Variants in ANKRD17 observed in about 807,000 individuals in gnomAD.
ANKRD17 encodes the protein ankyrin repeat domain 17, also known as ankyrin repeat domain-containing protein 17.
Under a neutral mutation model 229.7 loss-of-function variants are expected in ANKRD17, and 19 were observed. The ratio of observed to expected loss-of-function variants is 0.08; its 90% confidence interval spans 0.06 to 0.12. The LOEUF is 0.12. Ranked by LOEUF, ANKRD17 falls within the 10% of genes least tolerant of loss-of-function variation. The pLI is 1.00. For missense variants in ANKRD17, 2,176 were observed against 3,176.8 expected (o/e 0.68, Z 7.57); for synonymous variants, 1,112 against 1,146.1 (o/e 0.97, Z 0.60).
At chr4:73,186,197 C>T (rs1340562855) in intron 1 of ANKRD17, among the ~76,000 whole-genome samples, 1 of 151,706 alleles carries the variant, frequency 6.6e-6, no homozygotes, top group African/African-American at 2.4e-5. Context: ...GATAAAATAC[C>T]ACAATTCTTA....
intron 1 of ANKRD17, among the ~76,000 whole-genome samples, chr4:73,224,189 GTTGCCA>G (rs1742219081): frequency 6.6e-6 from 1 of 152,202 alleles, no homozygotes; most frequent in South Asian, 2.1e-4. Flanking sequence ...GGAGGTGGAT[GTTGCCA>G]TTGTGCCACT....
chr4:73,106,846 T>C (rs368843374), intron 24 of ANKRD17, among the ~76,000 whole-genome samples: 1 of 113,040 alleles, frequency 8.8e-6, no homozygotes, highest in African/African-American at 3.4e-5. Context: ...GCCATGGCCC[T>C]CCAGCCTGGC....
intron 18 of ANKRD17, among the ~76,000 whole-genome samples, chr4:73,123,628 T>C (rs903507291): frequency 2.4e-4 from 36 of 152,114 alleles, no homozygotes; most frequent in African/African-American, 8.7e-4. Flanking sequence ...ATTTACAAAA[T>C]GAAGGATGAC....
At chr4:73,104,498 A>G (rs1247785276) in intron 24 of ANKRD17, among the ~76,000 whole-genome samples, 1 of 152,214 alleles carries the variant, frequency 6.6e-6, no homozygotes, top group African/African-American at 2.4e-5. Flanking sequence ...AGAAAAACGT[A>G]TTATCAAAGC....
intron 1 of ANKRD17, among the ~76,000 whole-genome samples, chr4:73,199,849 A>G (rs950940072): frequency 1.3e-5 from 2 of 152,206 alleles, no homozygotes; most frequent in Non-Finnish European, 2.9e-5. Flanking sequence ...TGTTAAATGA[A>G]TATTACATTA....
At chr4:73,162,547 A>C (rs1246118066) in intron 2 of ANKRD17, among the ~76,000 whole-genome samples, 2 of 152,152 alleles carry the variant, frequency 1.3e-5, no homozygotes, top group Non-Finnish European at 1.5e-5. Flanking sequence ...TGTGAACAAA[A>C]TATGGCCTAA....
intron 24 of ANKRD17, among the ~76,000 whole-genome samples, chr4:73,108,434 A>C (rs1014140311): frequency 1.3e-5 from 2 of 152,208 alleles, no homozygotes; most frequent in African/African-American, 4.8e-5. Flanking sequence ...CCAGTGGATA[A>C]AGAAGACCAT....
chr4:73,151,314 C>CA, intron 7 of ANKRD17, 116 bp downstream of exon 7: 1 of 860,300 alleles, frequency 1.2e-6, no homozygotes, highest in Admixed American at 2.9e-5. Flanking sequence ...ACAACTGATT[C>CA]AATAAGGTTC....
intron 2 of ANKRD17, among the ~76,000 whole-genome samples, chr4:73,168,479 T>A (rs1172670904): frequency 6.6e-6 from 1 of 152,178 alleles, no homozygotes; most frequent in Non-Finnish European, 1.5e-5. Flanking sequence ...AATTAAAACA[T>A]TGTTCCTATG....
intron 32 of ANKRD17, 103 bp from the exon 33 acceptor site, chr4:73,077,207 G>A: frequency 2.2e-6 from 3 of 1,348,796 alleles, no homozygotes; most frequent in Non-Finnish European, 2.0e-6. Context: ...ACCTCATCCT[G>A]GGAATGTGTA....
chr4:73,185,765 A>G (rs1464574593), intron 1 of ANKRD17, among the ~76,000 whole-genome samples: 2 of 152,098 alleles, frequency 1.3e-5, no homozygotes, highest in Non-Finnish European at 2.9e-5. Flanking sequence ...CATATAAAAC[A>G]TATTCACTGA....
Position 73,094,105 on chromosome 4 carries a change from C to A in ANKRD17, c.5301G>T (p.Lys1767Asn), listed in dbSNP as rs760800314. Residue 1767 changes from lysine to asparagine, a missense_variant, in exon 28 of 34, where the codon AAG becomes AAT. Physicochemically the swap from Lys to Asn is moderately conservative, Grantham distance 94. Transcript: ENST00000358602. ...TTATAGTGATTATCCGGTCTCCAGT[C>A]TTGTCTTTCTGTTTATCAATATCTA... is the stretch of plus-strand genomic sequence containing the variant. ...AHIDIDKQKD[K>N]TGDRIITIRG... 2 of 1,613,698 alleles carry A rather than the reference C, an allele frequency of 1.2e-6. No individual in the cohort carries two copies.
intron 21 of ANKRD17, among the ~76,000 whole-genome samples, chr4:73,119,550 A>C (rs551747746): frequency 6.6e-6 from 1 of 152,326 alleles, no homozygotes; most frequent in African/African-American, 2.4e-5. Context: ...CAGGTTTAGC[A>C]TTCATTCAGT....
chr4:73,079,301 T>C (rs916600126), intron 30 of ANKRD17, among the ~76,000 whole-genome samples: 1 of 152,204 alleles, frequency 6.6e-6, no homozygotes, highest in Non-Finnish European at 1.5e-5. Flanking sequence ...TGTGTTATGA[T>C]GAAAAAGAGA....
At chr4:73,102,650 T>G (rs1724148657) in intron 24 of ANKRD17, 103 bp from the exon 25 acceptor site, 1 of 1,340,248 alleles carries the variant, frequency 7.5e-7, no homozygotes, top group East Asian at 2.3e-5. Context: ...TATCATAAAA[T>G]TCAAAGTCAT....
chr4:73,194,187 AC>A (rs973129363), intron 1 of ANKRD17, among the ~76,000 whole-genome samples: 1 of 152,198 alleles, frequency 6.6e-6, no homozygotes, highest in Admixed American at 6.5e-5. Context: ...CTTCTATCTA[AC>A]CCAAAGTCAC....
chr4:73,076,855 G>C, intron 33 of ANKRD17, 85 bp downstream of exon 33: 1 of 1,444,554 alleles, frequency 6.9e-7, no homozygotes, highest in Non-Finnish European at 9.3e-7. Flanking sequence ...AAACTCTCTT[G>C]CTATCATGAG....
chr4:73,088,565 T>G (rs1158991372), intron 29 of ANKRD17, among the ~76,000 whole-genome samples: 1 of 152,186 alleles, frequency 6.6e-6, no homozygotes, highest in Non-Finnish European at 1.5e-5. Context: ...AAATTCCAAC[T>G]ACTATAAAAA....
intron 1 of ANKRD17, among the ~76,000 whole-genome samples, chr4:73,237,329 A>C (rs952166303): frequency 2.0e-5 from 3 of 152,224 alleles, no homozygotes; most frequent in Non-Finnish European, 4.4e-5. Context: ...TGTTAGCATA[A>C]AAGACAAAAG....
Sources: gnomAD v4.1 joint callset for allele counts (sites outside exome capture counted in the v4.1 genomes callset) on GRCh38, gnomAD v4.1.1 for gene constraint, MANE v1.5 for transcripts, NCBI Gene and HGNC (gene_info 2026-07-23, HGNC 2026-07-21) for gene names.